KCNQ1: variants seen among roughly 807,000 people sequenced by gnomAD.
KCNQ1 encodes the protein potassium voltage-gated channel subfamily KQT member 1.
A neutral mutation model predicts 72.4 loss-of-function variants in KCNQ1; 49 were observed. The observed-to-expected ratio is 0.68, with a 90% CI of 0.54 to 0.86. The LOEUF is 0.86. KCNQ1 is among the 40% of genes least tolerant of loss of function. The probability of loss-of-function intolerance (pLI) is 0.00; values close to 1 mark genes in which losing one functional copy is unlikely to be tolerated. For synonymous variants in KCNQ1, 450 were observed against 412.6 expected (o/e 1.09, Z -1.10); for missense variants, 790 against 945.1 (o/e 0.84, Z 2.15).
In KCNQ1 at chr11:2,674,572, C is replaced by A. The variant is rs182526565; in HGVS notation, c.1514+12491C>A. On this transcript the variant is annotated intron_variant, in intron 11 of 15. Coordinates refer to ENST00000155840, the MANE Select transcript of KCNQ1 (RefSeq NM_000218.3). The surrounding 1 kb of genome is among the most constrained non-coding windows in gnomAD (Gnocchi z 5.9). Reference sequence around the variant, plus strand: ...ATACCTCGAGTGAGTGAATCTGAAGCATGCTAGTTGTGTTGCCTTTTAAAT... The same window carrying A: ...ATACCTCGAGTGAGTGAATCTGAAGAATGCTAGTTGTGTTGCCTTTTAAAT... 3.3e-5 allele frequency: 13 copies of A among 398,594 alleles called. No individual in the cohort carries two copies. The Admixed American group carries it at 4.8e-4, about 15-fold the overall frequency. The allele number at this position is 398,594 out of a possible 1,614,324, so 24.7% of individuals were successfully genotyped here. A position where few individuals can be genotyped will look rare whatever the true frequency, so the allele number is the denominator to read the frequency against.
At chr11:2,844,427 C>T (rs1848278404) in intron 15 of KCNQ1, among the ~76,000 whole-genome samples, 1 of 152,204 alleles carries the variant, frequency 6.6e-6, no homozygotes, top group Admixed American at 6.5e-5. Flanking sequence ...CCCCAGTTGG[C>T]ACAGGCAGCA....
chr11:2,604,154 T>G (rs1218488833), intron 10 of KCNQ1, among the ~76,000 whole-genome samples: 7 of 152,154 alleles, frequency 4.6e-5, no homozygotes. Context: ...TGTGTGGACA[T>G]GTGTTTTCAT....
Position 2,480,482 on chromosome 11 carries a change from A to C in KCNQ1, c.386+34998A>C, listed in dbSNP as rs141871033. On this transcript the variant is annotated intron_variant, in intron 1 of 15. Coordinates refer to ENST00000155840, the MANE Select transcript of KCNQ1 (RefSeq NM_000218.3). ...GCAAGGGGTTCCCCCTTATAAAACCATCAGATCTCATGAGACTTAATTCAC... is the reference window on the plus strand; with the variant it reads ...GCAAGGGGTTCCCCCTTATAAAACCCTCAGATCTCATGAGACTTAATTCAC... 2.2e-3 allele frequency among the ~76,000 whole-genome samples: 329 copies of C among 152,358 alleles called. 2 individuals carry two copies. The highest frequency in any genetic ancestry group is 6.3e-3 in the Admixed American group (96 of 15,304).
rs200542404 is a variant in KCNQ1 at position 2,798,357 on chromosome 11, C to G, written c.1794+20320C>G. On this transcript the variant is annotated intron_variant, in intron 15 of 15. Transcript: ENST00000155840. ...AGTTGCCAACCACCTGGGGTTGTGCCCAGTCCTCAGAACTCACCTGCCCAT... is the reference window on the plus strand; with the variant it reads ...AGTTGCCAACCACCTGGGGTTGTGCGCAGTCCTCAGAACTCACCTGCCCAT... 6.6e-4 allele frequency among the ~76,000 whole-genome samples: 101 copies of G among 152,282 alleles called. 3 individuals are homozygous for G. The East Asian group carries it at 0.019, about 28-fold the overall frequency.
At chr11:2,795,604 G>T (rs1000072084) in intron 15 of KCNQ1, among the ~76,000 whole-genome samples, 12 of 152,198 alleles carry the variant, frequency 7.9e-5, no homozygotes, top group Non-Finnish European at 1.8e-4. Context: ...CTCACCTGGG[G>T]TTTGGCCAGC....
chr11:2,637,717 G>A (rs1172296502), intron 10 of KCNQ1: 1 of 152,216 alleles, frequency 6.6e-6, no homozygotes, highest in Non-Finnish European at 1.5e-5. Flanking sequence ...GTGCAGAGCT[G>A]AGTTCAATTC....
rs957157276 is a variant in KCNQ1, at chr11:2,735,235, C to T, written c.1515-33609C>T. On this transcript the variant is annotated intron_variant, in intron 11 of 15. Coordinates refer to ENST00000155840, the MANE Select transcript of KCNQ1 (RefSeq NM_000218.3). The surrounding 1 kb of genome is among the most constrained non-coding windows in gnomAD (Gnocchi z 7.7). ...TCCTTGATGGTGACCCCCTATGAGA[C>T]GCCACTTGCCCTGAGGCCCTGGGGG... Among the ~76,000 whole-genome samples the T allele has an allele frequency of 2.6e-5, 4 of 152,138 alleles. No individual in the cohort carries two copies. The highest frequency in any genetic ancestry group is 6.5e-5 in the Admixed American group (1 of 15,288).
chr11:2,776,706 A>G lies in KCNQ1; in HGVS notation c.1686-280A>G, dbSNP rs554219990. On this transcript the variant is annotated intron_variant, in intron 13 of 15. Transcript: ENST00000155840. ...GGCGAGGGGTCAGGCTGCCTTGCCC[A>G]TGGCTGATCCACTGCCTCCCACTCC... Among the ~76,000 whole-genome samples the G allele has an allele frequency of 7.2e-5, 11 of 152,158 alleles. No homozygotes were observed. The East Asian group carries it at 2.1e-3, about 30-fold the overall frequency.
intron 1 of KCNQ1, among the ~76,000 whole-genome samples, chr11:2,456,954 AAAAAAAAAAAAC>A (rs1216008945): frequency 2.1e-5 from 3 of 139,586 alleles, no homozygotes; most frequent in African/African-American, 8.6e-5. Flanking sequence ...AAAAAAAAAA[AAAAAAAAAAAAC>A]CCAAAAAAAC....
At chr11:2,707,402 G>A (rs890185443) in intron 11 of KCNQ1, among the ~76,000 whole-genome samples, 3 of 152,186 alleles carry the variant, frequency 2.0e-5, no homozygotes, top group Non-Finnish European at 4.4e-5. Flanking sequence ...GCCCTGCCTG[G>A]GCACAGAGCT....
Position 2,612,463 on chromosome 11 carries a change from A to G in KCNQ1, c.1393+23609A>G, listed in dbSNP as rs1848997112. ...TTTTTCTTTCTATTCTTCAGTCTGAATCATCTTTATGGATCTGCGTTGAAG... is the reference window on the plus strand; with the variant it reads ...TTTTTCTTTCTATTCTTCAGTCTGAGTCATCTTTATGGATCTGCGTTGAAG... On this transcript the variant is annotated intron_variant, in intron 10 of 15. Transcript: ENST00000155840. This position sits in a 1 kb window ranked among gnomAD's most constrained non-coding sequence, Gnocchi z 5.5. 5.0e-6 allele frequency: 2 copies of G among 398,582 alleles called. No individual in the cohort carries two copies. The highest frequency in any genetic ancestry group is 7.1e-5 in the East Asian group (2 of 28,068). 24.7% of individuals were successfully genotyped at this position (398,582 alleles called of 1,614,324 possible).
intron 10 of KCNQ1, chr11:2,656,393 A>G (rs1849848593): frequency 2.5e-6 from 1 of 398,550 alleles, no homozygotes; most frequent in African/African-American, 2.1e-5. Context: ...TAAGGATGTC[A>G]TGGGCACAGA....
intron 11 of KCNQ1, among the ~76,000 whole-genome samples, chr11:2,719,120 T>C (rs1389150293): frequency 6.6e-6 from 1 of 152,110 alleles, no homozygotes; most frequent in Non-Finnish European, 1.5e-5. Context: ...TCTCCAGCCG[T>C]GTGCTCTCGG....
Position 2,745,785 on chromosome 11 carries a change from C to T in KCNQ1, c.1515-23059C>T, listed in dbSNP as rs570929843. Among the ~76,000 whole-genome samples the T allele has an allele frequency of 3.9e-5, 6 of 152,362 alleles. No homozygotes were observed. The highest frequency in any genetic ancestry group is 1.4e-4 in the African/African-American group (6 of 41,590). ...TTGGAGAAGGCCGCTCAGCGAGGGC[C>T]GCCTTCAGGCCTGAGCCCGGGGCCA... On this transcript the variant is annotated intron_variant, in intron 11 of 15. Coordinates refer to ENST00000155840, the MANE Select transcript of KCNQ1 (RefSeq NM_000218.3). This position sits in a 1 kb window ranked among gnomAD's most constrained non-coding sequence, Gnocchi z 6.2.
intron 1 of KCNQ1, among the ~76,000 whole-genome samples, chr11:2,485,579 C>G (rs1281144230): frequency 6.6e-6 from 1 of 152,156 alleles, no homozygotes; most frequent in Non-Finnish European, 1.5e-5. Flanking sequence ...GCACACAGTT[C>G]AGTGGCATGA....
Position 2,664,614 on chromosome 11 carries a change from C to T in KCNQ1, c.1514+2533C>T. On this transcript the variant is annotated intron_variant, in intron 11 of 15. Transcript: ENST00000155840. The surrounding 1 kb of genome is among the most constrained non-coding windows in gnomAD (Gnocchi z 5.1). ...TCCTCCACCTCCTGCACAGCCCGCC[C>T]AGTGATGCCCATAATTAAATTCGGC... is the stretch of plus-strand genomic sequence containing the variant. 2.5e-6 allele frequency: 1 copy of T among 398,686 alleles called. No individual in the cohort carries two copies. The highest frequency in any genetic ancestry group is 4.4e-6 in the Non-Finnish European group (1 of 226,138). The allele number at this position is 398,686 out of a possible 1,614,324, so 24.7% of individuals were successfully genotyped here. A position where few individuals can be genotyped will look rare whatever the true frequency, so the allele number is the denominator to read the frequency against.
intron 15 of KCNQ1, among the ~76,000 whole-genome samples, chr11:2,844,978 GC>G (rs1371148963): frequency 6.6e-6 from 1 of 152,182 alleles, no homozygotes; most frequent in Non-Finnish European, 1.5e-5. Context: ...CCCAGGCTTT[GC>G]CCTCAAAGAC....
rs1849161951 is a variant in KCNQ1 at position 2,620,970 on chromosome 11, CTTTTTTGTTTGTTTGTTTG to C, written c.1393+32124_1393+32142del. On this transcript the variant is annotated intron_variant, in intron 10 of 15. Transcript: ENST00000155840. This position sits in a 1 kb window ranked among gnomAD's most constrained non-coding sequence, Gnocchi z 4.5. ...TTTGTTTTTTTTTGTCTGTTTTTTG[CTTTTTTGTTTGTTTGTTTG>C]TTTTTTGAGAAAGAGTCTTGCTCTG... 2 of 379,602 alleles carry C rather than the reference CTTTTTTGTTTGTTTGTTTG, an allele frequency of 5.3e-6. No homozygotes were observed. The highest frequency in any genetic ancestry group is 4.9e-5 in the Admixed American group (1 of 20,500). The allele number at this position is 379,602 out of a possible 1,614,324, so 23.5% of individuals were successfully genotyped here.
intron 15 of KCNQ1, among the ~76,000 whole-genome samples, chr11:2,812,576 C>G (rs1847512042): frequency 6.6e-6 from 1 of 152,214 alleles, no homozygotes; most frequent in African/African-American, 2.4e-5. Flanking sequence ...GGAGGGCCAG[C>G]CCCGTCCCCA....
Sources: gnomAD v4.1 joint callset for allele counts (sites outside exome capture counted in the v4.1 genomes callset) on GRCh38, gnomAD v4.1.1 for gene constraint, Gnocchi (gnomAD v3.1) non-coding constraint, MANE v1.5 for transcripts, NCBI Gene and HGNC (gene_info 2026-07-23, HGNC 2026-07-21) for gene names.